SPTBN4: variants seen among roughly 807,000 people sequenced by gnomAD.
The protein encoded by SPTBN4 is spectrin beta, non-erythrocytic 4.
A neutral mutation model predicts 277.8 loss-of-function variants in SPTBN4; 96 were observed. The observed-to-expected ratio is 0.35, with a 90% CI of 0.29 to 0.41. The LOEUF is 0.41. Ranked by LOEUF, SPTBN4 falls within the 10% of genes least tolerant of loss-of-function variation. The pLI, the probability that SPTBN4 is intolerant of heterozygous loss-of-function variation, is 1.00. For synonymous variants in SPTBN4, 1,481 were observed against 1,580.3 expected, an observed-to-expected ratio of 0.94 and a Z score of 1.49; for missense variants, 3,006 against 3,595.7, an observed-to-expected ratio of 0.84 and a Z score of 4.19.
rs894234157 is a variant in SPTBN4, at chr19:40,519,010, G to C, written c.2904-391G>C. 6.6e-6 allele frequency among the ~76,000 whole-genome samples: 1 copy of C among 151,896 alleles called. No individual in the cohort carries two copies. Among genetic ancestry groups the C allele is most frequent in the African/African-American group, 2.4e-5 (1 of 41,348 alleles). ...AATGTACTAAGAGTGGCATTGTTTC[G>C]TACCTTTGCAAATCTCTTTAAAGTC... On this transcript the variant is annotated intron_variant, in intron 15 of 35. Coordinates refer to ENST00000598249, the MANE Select transcript of SPTBN4 (RefSeq NM_020971.3). This position sits in a 1 kb window ranked among gnomAD's most constrained non-coding sequence, Gnocchi z 5.7.
intron 2 of SPTBN4, among the ~76,000 whole-genome samples, chr19:40,479,884 T>A (rs113951244): frequency 6.6e-6 from 1 of 150,852 alleles, no homozygotes; most frequent in South Asian, 2.1e-4. Flanking sequence ...TGATGATCAC[T>A]TGAGGCCAGG....
rs779979060 is a variant in SPTBN4 at position 40,554,565 on chromosome 19, A to G, written c.5003A>G (p.Gln1668Arg). 1.3e-5 allele frequency: 20 copies of G among 1,516,210 alleles called. 1 individual carries two copies. The South Asian group carries it at 2.6e-4, about 20-fold the overall frequency. The allele number at this position is 1,516,210 out of a possible 1,614,324, so 93.9% of individuals were successfully genotyped here. A position where few individuals can be genotyped will look rare whatever the true frequency, so the allele number is the denominator to read the frequency against. ...QLLKKHLQLE[Q>R]GVENYEESIA... ...CTCAAGAAACACCTGCAGCTGGAGC[A>G]AGGCGTGGAGAACTACGAGGAAAGC... is the stretch of plus-strand genomic sequence containing the variant. Residue 1668 changes from glutamine to arginine, a missense_variant, in exon 24 of 36, where the codon CAA (glutamine) becomes CGA (arginine). Transcript: ENST00000598249. The surrounding 1 kb of genome is among the most constrained non-coding windows in gnomAD (Gnocchi z 5.7).
chr19:40,548,979 A>C lies in SPTBN4; in HGVS notation c.4360-210A>C, dbSNP rs148722801. ...AAGGAAGAGCATGCCTGGCAGAGGA[A>C]ACAGCAAAGGCAAAGGCTCCGAGGC... is the stretch of plus-strand genomic sequence containing the variant. On this transcript the variant is annotated intron_variant, in intron 20 of 35. Coordinates refer to ENST00000598249, the MANE Select transcript of SPTBN4 (RefSeq NM_020971.3). Among the ~76,000 whole-genome samples the C allele has an allele frequency of 3.3e-5, 5 of 152,344 alleles. No homozygotes were observed. In the East Asian group the frequency reaches 9.7e-4, roughly 29 times the overall value.
At chr19:40,556,360 G>A (rs2080979010) in intron 25 of SPTBN4, 72 bp downstream of exon 25, 7 of 1,353,114 alleles carry the variant, frequency 5.2e-6, no homozygotes, top group African/African-American at 1.4e-5. Context: ...TTCCTCATCT[G>A]TAGTATGAGG....
intron 15 of SPTBN4, among the ~76,000 whole-genome samples, chr19:40,518,796 TG>T (rs2080488950): frequency 6.6e-6 from 1 of 152,072 alleles, no homozygotes; most frequent in Admixed American, 6.6e-5. Flanking sequence ...CCTGTGAGGC[TG>T]AGGTGGGAGG....
rs746041169 is a variant in SPTBN4 at position 40,572,294 on chromosome 19, G to A, written c.7494-44G>A. On this transcript the variant is annotated intron_variant, in intron 34 of 35. Coordinates refer to ENST00000598249, the MANE Select transcript of SPTBN4 (RefSeq NM_020971.3). ...GGACACTTGGTGGGCAGGTGGGCTG[G>A]GCCCCTTCCCCAGATCTCTGAAGTC... The A allele has an allele frequency of 3.1e-6, 5 of 1,612,402 alleles. No homozygotes were observed. In the South Asian group the frequency reaches 4.4e-5, roughly 14 times the overall value.
At chr19:40,550,562 G>A (rs1323676884) in intron 22 of SPTBN4, among the ~76,000 whole-genome samples, 1 of 150,692 alleles carries the variant, frequency 6.6e-6, no homozygotes, top group Non-Finnish European at 1.5e-5. Flanking sequence ...GAGTTTAGTG[G>A]CACAATCTTT....
Position 40,549,274 on chromosome 19 carries a change from G to T in SPTBN4, c.4445G>T (p.Ser1482Ile). 1.9e-6 allele frequency: 3 copies of T among 1,545,412 alleles called. No homozygotes were observed. Among genetic ancestry groups the T allele is most frequent in the Non-Finnish European group, 2.6e-6 (3 of 1,146,586 alleles). ...QTAALPLEPASKELVGERQNA... is the reference protein window; with the variant it reads ...QTAALPLEPAIKELVGERQNA... ...GCGGCGCTGCCGCTGGAGCCGGCGA[G>T]CAAGGAGCTGGTGGGTGAGCGGCAG... is the stretch of plus-strand genomic sequence containing the variant. Residue 1482 changes from serine (S) to isoleucine (I), a missense_variant, in exon 21 of 36, where the codon AGC becomes ATC. Coordinates refer to ENST00000598249, the MANE Select transcript of SPTBN4 (RefSeq NM_020971.3).
chr19:40,502,121 G>C lies in SPTBN4; in HGVS notation c.898-7G>C, dbSNP rs1568781211. The C allele has an allele frequency of 6.2e-7, 1 of 1,613,474 alleles. No homozygotes were observed. The highest frequency in any genetic ancestry group is 8.5e-7 in the Non-Finnish European group (1 of 1,179,716). On this transcript the variant is annotated splice_region_variant and splice_polypyrimidine_tract_variant and intron_variant, in intron 8 of 35. Transcript: ENST00000598249. The surrounding 1 kb of genome is among the most constrained non-coding windows in gnomAD (Gnocchi z 4.9). ...TGAGGCTGACCCCCCTTCCTCTGCT[G>C]TGTCAGGTCTTGGACCAGGTATTGG...
chr19:40,513,083 G>A lies in SPTBN4; in HGVS notation c.2294G>A (p.Arg765Gln), dbSNP rs2080412013. Reference sequence around the variant, plus strand: ...AGGCTGGAAGAGGCGGCGGCGCGGCGAGAGCGGCGGCTGCAGGAGGCGCGG... The same window carrying A: ...AGGCTGGAAGAGGCGGCGGCGCGGCAAGAGCGGCGGCTGCAGGAGGCGCGG... ...WQRLEEAAAR[R>Q]ERRLQEARAL... is the part of the protein sequence containing the mutation. Residue 765 changes from arginine to glutamine, a missense_variant, in exon 14 of 36, where the codon CGA becomes CAA. Arg to Gln is a conservative substitution (Grantham distance 43). Transcript: ENST00000598249. 7.1e-7 allele frequency: 1 copy of A among 1,412,566 alleles called. No homozygotes were observed. Among genetic ancestry groups the A allele is most frequent in the Non-Finnish European group, 9.2e-7 (1 of 1,090,818 alleles). 87.5% of individuals were successfully genotyped at this position (1,412,566 alleles called of 1,614,324 possible).
In SPTBN4 at chr19:40,502,502, G is replaced by T; in HGVS notation, c.1198G>T (p.Asp400Tyr). 6.2e-7 allele frequency: 1 copy of T among 1,611,740 alleles called. No homozygotes were observed. Among genetic ancestry groups the T allele is most frequent in the South Asian group, 1.1e-5 (1 of 90,840 alleles). Residue 400 changes from aspartate to tyrosine, a missense_variant, in exon 10 of 36, where the codon GAC (aspartate) becomes TAC (tyrosine). Around this residue, in one of 5 missense-constraint regions of SPTBN4, gnomAD observed 1,759 missense variants for 2,061.5 expected, o/e 0.85. Transcript: ENST00000598249. The surrounding 1 kb of genome is among the most constrained non-coding windows in gnomAD (Gnocchi z 4.9). ...PREGCGIWDIDKAWGELEKAE... is the reference protein window; with the variant it reads ...PREGCGIWDIYKAWGELEKAE... ...GGAGGGCTGTGGCATCTGGGATATTGACAAGGTGAGGCCGGGGATGCAGGG... is the reference window on the plus strand; with the variant it reads ...GGAGGGCTGTGGCATCTGGGATATTTACAAGGTGAGGCCGGGGATGCAGGG...
intron 18 of SPTBN4, among the ~76,000 whole-genome samples, 191 bp downstream of exon 18, chr19:40,529,322 G>A (rs1462317409): frequency 6.6e-6 from 1 of 152,190 alleles, no homozygotes; most frequent in African/African-American, 2.4e-5. Context: ...CGCCCACGCC[G>A]ACTCCGGGAA....
intron 22 of SPTBN4, among the ~76,000 whole-genome samples, chr19:40,552,777 C>T (rs2080933357): frequency 6.6e-6 from 1 of 152,086 alleles, no homozygotes; most frequent in Non-Finnish European, 1.5e-5. Context: ...GTGTGGGCGA[C>T]AGAACTGGCT....
chr19:40,528,442 C>T (rs2080620704), intron 17 of SPTBN4, among the ~76,000 whole-genome samples: 1 of 152,190 alleles, frequency 6.6e-6, no homozygotes, highest in South Asian at 2.1e-4. Flanking sequence ...TGCTCTCTTC[C>T]CTCTCTCCAA....
chr19:40,572,497 G>C, intron 35 of SPTBN4, 117 bp downstream of exon 35: 1 of 1,315,330 alleles, frequency 7.6e-7, no homozygotes, highest in Non-Finnish European at 1.1e-6. Context: ...GAGTTATCAG[G>C]GCTGTAATGG....
At chr19:40,477,991 A>G (rs554829972) in intron 2 of SPTBN4, among the ~76,000 whole-genome samples, 4 of 151,964 alleles carry the variant, frequency 2.6e-5, no homozygotes, top group African/African-American at 9.7e-5. Flanking sequence ...GGCGCCTGTC[A>G]CCTTGCCTGG....
intron 20 of SPTBN4, among the ~76,000 whole-genome samples, chr19:40,536,166 C>T (rs2080733285): frequency 6.6e-6 from 1 of 151,778 alleles, no homozygotes; most frequent in South Asian, 2.1e-4. Flanking sequence ...CTTTTTCCCT[C>T]CGCTCCCCTC....
At chr19:40,550,779 A>G (rs1217579872) in intron 22 of SPTBN4, among the ~76,000 whole-genome samples, 1 of 152,100 alleles carries the variant, frequency 6.6e-6, no homozygotes, top group Non-Finnish European at 1.5e-5. Context: ...TCAGCCTCCC[A>G]AAGTGCTGAG....
At chr19:40,503,776 G>A in intron 11 of SPTBN4, 54 bp from the exon 12 acceptor site, 1 of 1,526,682 alleles carries the variant, frequency 6.6e-7, no homozygotes, top group African/African-American at 1.4e-5. Flanking sequence ...CAGGGTCAAG[G>A]TAACAGGTGG....
Sources: gnomAD v4.1 joint callset for allele counts (sites outside exome capture counted in the v4.1 genomes callset) on GRCh38, gnomAD v4.1.1 for gene constraint, gnomAD v4.1.1 regional missense constraint, Gnocchi (gnomAD v3.1) non-coding constraint, MANE v1.5 for transcripts, NCBI Gene and HGNC (gene_info 2026-07-23, HGNC 2026-07-21) for gene names.